The following HMGN3 variants were observed in gnomAD, a reference collection of about 807,000 sequenced individuals.
HMGN3 encodes the protein high mobility group nucleosome-binding domain-containing protein 3.
Under a neutral mutation model 18.8 loss-of-function variants are expected in HMGN3, and 6 were observed. The ratio of observed to expected loss-of-function variants is 0.32; its 90% CI spans 0.18 to 0.63. The LOEUF is 0.63. Among genes scored for constraint, HMGN3 ranks in the 30% least tolerant of loss-of-function variants. The probability of loss-of-function intolerance (pLI) is 0.79; values close to 1 mark genes in which losing one functional copy is unlikely to be tolerated. For missense variants in HMGN3, 107 were observed against 114.2 expected (o/e 0.94, Z 0.29); for synonymous variants, 40 against 36.5 (o/e 1.10, Z -0.35).
intron 2 of HMGN3, among the ~76,000 whole-genome samples, chr6:79,211,011 C>CAAAAAA (rs59749044): frequency 2.2e-5 from 2 of 89,716 alleles, no homozygotes; most frequent in African/African-American, 4.2e-5. Context: ...GAAATTAATG[C>CAAAAAA]AAAAAAAAAA....
chr6:79,218,779 A>G (rs66633427), intron 1 of HMGN3, among the ~76,000 whole-genome samples: 7,208 of 152,290 alleles, frequency 0.047, 197 homozygotes, highest in South Asian at 0.1. Flanking sequence ...TAGATACTAC[A>G]TACGTATGTA....
chr6:79,223,769 T>C lies in HMGN3; in HGVS notation c.16-8747A>G, dbSNP rs140007569. On this transcript the variant is annotated intron_variant, in intron 1 of 5. Transcript: ENST00000344726. ...TTTTTTTTTATGTGCTGTGGTTTTG[T>C]ACAAACATGGCCATGCAGAAAGCAC... 3.6e-3 allele frequency among the ~76,000 whole-genome samples: 548 copies of C among 151,480 alleles called. 7 individuals carry two copies. The highest frequency in any genetic ancestry group is 0.013 in the African/African-American group (528 of 41,316).
chr6:79,232,273 A>G (rs1216874818), intron 1 of HMGN3, among the ~76,000 whole-genome samples: 1 of 152,200 alleles, frequency 6.6e-6, no homozygotes, highest in East Asian at 1.9e-4. Context: ...GGTTCCTCAC[A>G]TAAGTTCCAG....
exon 1 of HMGN3, chr6:79,234,606 T>C (rs774980529): frequency 6.2e-6 from 10 of 1,602,204 alleles, no homozygotes; most frequent in Non-Finnish European, 8.5e-6. Context: ...GGACTGGAAC[T>C]GCTGGCGCCG....
chr6:79,223,437 G>C (rs992114455), intron 1 of HMGN3, among the ~76,000 whole-genome samples: 1 of 152,148 alleles, frequency 6.6e-6, no homozygotes, highest in Non-Finnish European at 1.5e-5. Context: ...CTTGAACCTG[G>C]GAGGCAGAGG....
At chr6:79,214,799 C>G (rs766727617) in intron 2 of HMGN3, among the ~76,000 whole-genome samples, 173 bp downstream of exon 2, 1 of 152,156 alleles carries the variant, frequency 6.6e-6, no homozygotes, top group Non-Finnish European at 1.5e-5. Context: ...CTAGGCCAAG[C>G]GAGACTACAT....
At chr6:79,228,798 C>T (rs143318586) in intron 1 of HMGN3, among the ~76,000 whole-genome samples, 2,344 of 152,244 alleles carry the variant, frequency 0.015, 57 homozygotes, top group African/African-American at 0.053. Context: ...AACTCCTGAC[C>T]TCAAGTGATC....
chr6:79,210,636 G>C (rs991479557), intron 2 of HMGN3, among the ~76,000 whole-genome samples: 50 of 152,128 alleles, frequency 3.3e-4, no homozygotes, highest in African/African-American at 1.2e-3. Context: ...CTTGTAGGGA[G>C]GGGAAGAAGT....
At chr6:79,229,320 T>C (rs1199967771) in intron 1 of HMGN3, among the ~76,000 whole-genome samples, 2 of 152,192 alleles carry the variant, frequency 1.3e-5, no homozygotes, top group South Asian at 2.1e-4. Context: ...GGGACTTGTA[T>C]CTCAGACTTA....
At chr6:79,210,494 C>A (rs1283620854) in intron 2 of HMGN3, among the ~76,000 whole-genome samples, 1 of 152,206 alleles carries the variant, frequency 6.6e-6, no homozygotes, top group Middle Eastern at 3.2e-3. Flanking sequence ...CCTCATCTGA[C>A]ACGTCTCCAT....
chr6:79,224,644 G>T (rs1243090063), intron 1 of HMGN3, among the ~76,000 whole-genome samples: 1 of 152,090 alleles, frequency 6.6e-6, no homozygotes, highest in African/African-American at 2.4e-5. Context: ...TGTTGCATTT[G>T]ATGCTTTCAA....
intron 3 of HMGN3, among the ~76,000 whole-genome samples, chr6:79,207,964 C>A (rs1776499915): frequency 1.3e-5 from 2 of 152,140 alleles, no homozygotes; most frequent in Non-Finnish European, 2.9e-5. Flanking sequence ...CAGTAAGGAG[C>A]ACAGGTTGGT....
intron 2 of HMGN3, among the ~76,000 whole-genome samples, chr6:79,211,086 A>T (rs1159552485): frequency 6.6e-6 from 1 of 151,476 alleles, no homozygotes. Flanking sequence ...TTCTATTATA[A>T]AATCATTTTA....
chr6:79,209,685 G>A (rs546588003), intron 2 of HMGN3, among the ~76,000 whole-genome samples: 46 of 152,314 alleles, frequency 3.0e-4, no homozygotes, highest in African/African-American at 1.1e-3. Context: ...CCATAATTAT[G>A]AGGAATCATG....
intron 1 of HMGN3, among the ~76,000 whole-genome samples, chr6:79,216,068 CACT>C: frequency 6.6e-6 from 1 of 152,260 alleles, no homozygotes; most frequent in South Asian, 2.1e-4. Flanking sequence ...TCATAAAACC[CACT>C]GTTTGAGGCT....
At chr6:79,216,711 A>G (rs1031285860) in intron 1 of HMGN3, among the ~76,000 whole-genome samples, 1 of 152,186 alleles carries the variant, frequency 6.6e-6, no homozygotes, top group African/African-American at 2.4e-5. Flanking sequence ...TGTGTTAATC[A>G]GTCAGTTGTG....
chr6:79,234,416 A>C, intron 1 of HMGN3, 130 bp downstream of exon 1: 1 of 815,786 alleles, frequency 1.2e-6, no homozygotes, highest in Non-Finnish European at 2.1e-6. Flanking sequence ...TCTAAAAACA[A>C]GCGTGGAGGA....
chr6:79,216,592 C>A (rs938582587), intron 1 of HMGN3, among the ~76,000 whole-genome samples: 1 of 152,196 alleles, frequency 6.6e-6, no homozygotes, highest in Non-Finnish European at 1.5e-5. Flanking sequence ...TCTCTTGTTT[C>A]CAAATTAACC....
At chr6:79,225,283 T>C (rs1419064975) in intron 1 of HMGN3, among the ~76,000 whole-genome samples, 1 of 152,204 alleles carries the variant, frequency 6.6e-6, no homozygotes, top group Non-Finnish European at 1.5e-5. Context: ...TCAGGGTAGA[T>C]TTTGTATTTC....
Sources: gnomAD v4.1 joint callset for allele counts (sites outside exome capture counted in the v4.1 genomes callset) on GRCh38, gnomAD v4.1.1 for gene constraint, MANE v1.5 for transcripts, NCBI Gene and HGNC (gene_info 2026-07-23, HGNC 2026-07-21) for gene names.